The following COL19A1 variants were observed in gnomAD, a reference collection of about 807,000 sequenced individuals.
COL19A1 encodes the protein collagen type XIX alpha 1 chain, also known as collagen alpha-1(XIX) chain.
In COL19A1, 159 loss-of-function variants were observed where a neutral mutation model predicts 190.2. The observed-to-expected ratio is 0.84, with a 90% CI of 0.73 to 0.95. The LOEUF (loss-of-function observed/expected upper bound fraction) is 0.95, where lower values mean the gene tolerates loss of function less well. Ranked by LOEUF, COL19A1 falls within the 40% of genes least tolerant of loss-of-function variation. The probability of loss-of-function intolerance (pLI) is 0.00; values close to 1 mark genes in which losing one functional copy is unlikely to be tolerated. For missense variants in COL19A1, 1,418 were observed against 1,431.9 expected, an observed-to-expected ratio of 0.99 and a Z score of 0.16; for synonymous variants, 509 against 458.9, an observed-to-expected ratio of 1.11 and a Z score of -1.39.
chr6:69,968,077 C>A (rs1775225090), intron 11 of COL19A1, among the ~76,000 whole-genome samples: 1 of 151,996 alleles, frequency 6.6e-6, no homozygotes, highest in Non-Finnish European at 1.5e-5. Flanking sequence ...TGTAAGCCAG[C>A]CTAAAATAGA....
At chr6:69,874,452 T>C (rs1768012683) in intron 1 of COL19A1, among the ~76,000 whole-genome samples, 1 of 152,160 alleles carries the variant, frequency 6.6e-6, no homozygotes, top group Non-Finnish European at 1.5e-5. Flanking sequence ...GCGAACACAT[T>C]TTAGAAATGT....
At chr6:70,195,199 C>T (rs1019979132) in intron 48 of COL19A1, among the ~76,000 whole-genome samples, 2 of 150,354 alleles carry the variant, frequency 1.3e-5, no homozygotes, top group African/African-American at 4.9e-5. Context: ...CACATAGTCT[C>T]TGTTTCTTCC....
chr6:70,058,756 T>A (rs187926239), intron 14 of COL19A1, among the ~76,000 whole-genome samples: 112 of 152,086 alleles, frequency 7.4e-4, no homozygotes, highest in African/African-American at 2.7e-3. Context: ...AATGTAAAAG[T>A]CACTTCCTTT....
At chr6:70,018,477 C>T (rs576654156) in intron 11 of COL19A1, among the ~76,000 whole-genome samples, 1 of 152,134 alleles carries the variant, frequency 6.6e-6, no homozygotes, top group African/African-American at 2.4e-5. Flanking sequence ...GAGTTAGCTC[C>T]ATCAGAAAGC....
intron 4 of COL19A1, among the ~76,000 whole-genome samples, chr6:69,917,644 G>T (rs566279480): frequency 6.6e-6 from 1 of 152,156 alleles, no homozygotes. Context: ...ATGGTGACTA[G>T]GGTGAGGACA....
chr6:69,875,589 CTTG>C (rs1228743863), intron 1 of COL19A1, among the ~76,000 whole-genome samples: 1 of 152,006 alleles, frequency 6.6e-6, no homozygotes, highest in Non-Finnish European at 1.5e-5. Flanking sequence ...ACTGACATGA[CTTG>C]TTGATGGTTT....
rs568418229 is a variant in COL19A1 at position 69,927,925 on chromosome 6, G to C, written c.283G>C (p.Gly95Arg). The C allele has an allele frequency of 6.2e-7, 1 of 1,610,726 alleles. No homozygotes were observed. The highest frequency in any genetic ancestry group is 8.5e-7 in the Non-Finnish European group (1 of 1,177,874). Residue 95 changes from glycine (G) to arginine (R), a missense_variant, in exon 5 of 51, where the codon GGC (glycine) becomes CGC (arginine). Physicochemically the swap from Gly to Arg is moderately radical, Grantham distance 125 (BLOSUM62 -2). Coordinates refer to ENST00000620364, the MANE Select transcript of COL19A1 (RefSeq NM_001858.6). ...IRDTIKIFPK[G>R]LPEEYSVAAM... ...CTCCCACAGTAAGATATTTCCCAAA[G>C]GCCTTCCTGAGGAGTACTCAGTAGC...
At chr6:69,898,542 G>A (rs1769947659) in intron 2 of COL19A1, among the ~76,000 whole-genome samples, 1 of 151,978 alleles carries the variant, frequency 6.6e-6, no homozygotes, top group Non-Finnish European at 1.5e-5. Context: ...AGTTTTTAAA[G>A]TTTCATATCA....
rs1478990541 is a variant in COL19A1 at position 70,064,512 on chromosome 6, T to G, written c.1171-3911T>G. Among the ~76,000 whole-genome samples the G allele has an allele frequency of 2.0e-5, 3 of 152,132 alleles. No individual in the cohort carries two copies. In the East Asian group the frequency reaches 5.8e-4, roughly 29 times the overall value. On this transcript the variant is annotated intron_variant, in intron 14 of 50. Transcript: ENST00000620364. ...AACCCACAGCCAATATCATACTGGA[T>G]GGGCAAAAACTGGAAGCATTCCCTT...
chr6:70,022,272 G>T (rs986233877), intron 11 of COL19A1, among the ~76,000 whole-genome samples: 3 of 151,984 alleles, frequency 2.0e-5, no homozygotes, highest in African/African-American at 7.2e-5. Context: ...GGATACACTT[G>T]GTTGAGTACT....
At chr6:70,199,938 C>G in intron 49 of COL19A1, 1 of 499,418 alleles carries the variant, frequency 2.0e-6, no homozygotes, top group Non-Finnish European at 3.6e-6. Context: ...TTAACTATTA[C>G]TACTTCAAAT....
chr6:70,050,718 C>A (rs1439059437), intron 14 of COL19A1, among the ~76,000 whole-genome samples: 1 of 152,032 alleles, frequency 6.6e-6, no homozygotes, highest in Non-Finnish European at 1.5e-5. Context: ...AGGTGGTCAC[C>A]TTCTCCCATA....
rs1161546719 is a variant in COL19A1, at chr6:70,107,546, A to C, written c.1278+5324A>C. 1.3e-5 allele frequency among the ~76,000 whole-genome samples: 2 copies of C among 152,186 alleles called. 1 individual carries two copies. The highest frequency in any genetic ancestry group is 1.3e-4 in the Admixed American group (2 of 15,260). ...CTAAATGTATCTTAGTTCCACTGTT[A>C]TTATTCTGAACACCCATTCACACTG... On this transcript the variant is annotated intron_variant, in intron 16 of 50. Coordinates refer to ENST00000620364, the MANE Select transcript of COL19A1 (RefSeq NM_001858.6).
chr6:70,105,566 C>T (rs1345635312), intron 16 of COL19A1, among the ~76,000 whole-genome samples: 2 of 152,144 alleles, frequency 1.3e-5, no homozygotes, highest in African/African-American at 2.4e-5. Context: ...GATGTTCCCC[C>T]TTAATTGTGG....
At chr6:70,157,628 AT>A (rs1364293193) in intron 34 of COL19A1, among the ~76,000 whole-genome samples, 1 of 152,034 alleles carries the variant, frequency 6.6e-6, no homozygotes, top group African/African-American at 2.4e-5. Flanking sequence ...TTGAGGTTTG[AT>A]TTTTTCCCAA....
intron 12 of COL19A1, among the ~76,000 whole-genome samples, chr6:70,030,481 AT>A (rs1370503099): frequency 6.6e-6 from 1 of 152,092 alleles, no homozygotes; most frequent in Non-Finnish European, 1.5e-5. Context: ...AGAGTTAACC[AT>A]TTTTCTAAAT....
At chr6:69,974,820 T>C (rs1766581385) in intron 11 of COL19A1, among the ~76,000 whole-genome samples, 1 of 142,382 alleles carries the variant, frequency 7.0e-6, no homozygotes, top group Non-Finnish European at 1.5e-5. Flanking sequence ...TTTTTTTTTT[T>C]TTTTTTTTTT....
At chr6:70,069,383 G>A (rs1439881465) in intron 15 of COL19A1, among the ~76,000 whole-genome samples, 1 of 152,034 alleles carries the variant, frequency 6.6e-6, no homozygotes, top group South Asian at 2.1e-4. Context: ...AAATATTTGA[G>A]GGTCAGTGGT....
chr6:70,115,925 A>G (rs1284693854), intron 16 of COL19A1, among the ~76,000 whole-genome samples: 1 of 150,364 alleles, frequency 6.7e-6, no homozygotes, highest in Non-Finnish European at 1.5e-5. Context: ...CATTACAATT[A>G]TAACTGCTTA....
Sources: gnomAD v4.1 joint callset for allele counts (sites outside exome capture counted in the v4.1 genomes callset) on GRCh38, gnomAD v4.1.1 for gene constraint, MANE v1.5 for transcripts, NCBI Gene and HGNC (gene_info 2026-07-23, HGNC 2026-07-21) for gene names.